GABRA4: variants seen among roughly 807,000 people sequenced by gnomAD.
GABRA4 encodes the protein gamma-aminobutyric acid receptor subunit alpha-4.
A neutral mutation model predicts 49.7 loss-of-function variants in GABRA4; 12 were observed. The observed-to-expected ratio is 0.24, with a 90% confidence interval of 0.15 to 0.39. The LOEUF (loss-of-function observed/expected upper bound fraction) is 0.39. Ranked by LOEUF, GABRA4 falls within the 10% of genes least tolerant of loss-of-function variation. The pLI, the probability that GABRA4 is intolerant of heterozygous loss-of-function variation, is 1.00. For missense variants in GABRA4, 506 were observed against 686.0 expected (o/e 0.74, Z 2.93); for synonymous variants, 288 against 240.2 (o/e 1.20, Z -1.84).
intron 8 of GABRA4, among the ~76,000 whole-genome samples, chr4:46,964,007 C>A (rs1722666050): frequency 6.6e-6 from 1 of 151,766 alleles, no homozygotes; most frequent in Admixed American, 6.6e-5. Context: ...TTGGAAGCAA[C>A]CTAAGTGTCT....
At chr4:46,985,958 T>C (rs1723519766) in intron 2 of GABRA4, among the ~76,000 whole-genome samples, 1 of 152,106 alleles carries the variant, frequency 6.6e-6, no homozygotes, top group Non-Finnish European at 1.5e-5. Flanking sequence ...GAAAAACATG[T>C]TATGGTCTAA....
At chr4:46,961,017 A>G (rs1056905930) in intron 8 of GABRA4, among the ~76,000 whole-genome samples, 3 of 151,856 alleles carry the variant, frequency 2.0e-5, no homozygotes, top group Non-Finnish European at 4.4e-5. Flanking sequence ...GAGGGTATAA[A>G]TTTACCTATG....
At chr4:46,977,295 A>C in intron 4 of GABRA4, 115 bp downstream of exon 4, 3 of 401,924 alleles carry the variant, frequency 7.5e-6, no homozygotes, top group Non-Finnish European at 9.0e-6. Flanking sequence ...GGAGGGAGGA[A>C]GGGAGGGAGG....
At chr4:46,952,887 T>A (rs1248313838) in intron 8 of GABRA4, among the ~76,000 whole-genome samples, 1 of 152,072 alleles carries the variant, frequency 6.6e-6, no homozygotes, top group South Asian at 2.1e-4. Flanking sequence ...AACCTTTTAA[T>A]AACAAAATTT....
chr4:46,928,227 A>C lies in GABRA4; in HGVS notation c.1663T>G (p.Ter555GluextTer22). ...AGCAAACTACTATAGCAACGAAATT[A>C]CATTAGACTTTCTGATTTCTCCATA... ...DTMEKSESLM* is the reference protein window; with the variant it reads ...DTMEKSESLME The change falls in exon 9 of 9, where the codon TAA (stop) becomes GAA (glutamate). Residue 555 changes from the stop codon to glutamate, a stop_lost. Transcript: ENST00000264318. The C allele has an allele frequency of 6.2e-7, 1 of 1,603,884 alleles. No homozygotes were observed. The highest frequency in any genetic ancestry group is 8.5e-7 in the Non-Finnish European group (1 of 1,174,594).
intron 2 of GABRA4, among the ~76,000 whole-genome samples, chr4:46,983,861 G>A (rs1384799950): frequency 2.6e-5 from 4 of 152,014 alleles, no homozygotes; most frequent in Non-Finnish European, 5.9e-5. Flanking sequence ...TTTGTTGGTA[G>A]TAGGAATATA....
chr4:46,971,775 G>T (rs1722955282), intron 6 of GABRA4, among the ~76,000 whole-genome samples: 1 of 150,788 alleles, frequency 6.6e-6, no homozygotes, highest in Non-Finnish European at 1.5e-5. Context: ...CTTAGAGAGA[G>T]GCTACCATAG....
chr4:46,991,773 T>C (rs1723754583), intron 2 of GABRA4, among the ~76,000 whole-genome samples: 1 of 152,018 alleles, frequency 6.6e-6, no homozygotes, highest in Non-Finnish European at 1.5e-5. Context: ...CAAAGCTTTG[T>C]TGTGAGGGTT....
At chr4:46,947,669 C>G (rs1384317281) in intron 8 of GABRA4, among the ~76,000 whole-genome samples, 1 of 151,884 alleles carries the variant, frequency 6.6e-6, no homozygotes, top group Non-Finnish European at 1.5e-5. Context: ...GTAAGATGAA[C>G]AAACAGAATA....
At position 46,930,635 on chromosome 4, in the gene GABRA4, AT is replaced by A. The variant is rs5858045; in HGVS notation, c.1135-1881del. On this transcript the variant is annotated intron_variant, in intron 8 of 8. Transcript: ENST00000264318. The stretch of plus-strand genomic sequence containing the variant: ...AATTGGACAAACAGGAAAGAAATAC[AT>A]TTTTTTTTCAAATATAATATGATAG... Among the ~76,000 whole-genome samples the A allele has an allele frequency of 2.1e-3, 321 of 150,886 alleles. 1 individual carries two copies. The highest frequency in any genetic ancestry group is 6.8e-3 in the African/African-American group (279 of 41,106).
intron 8 of GABRA4, among the ~76,000 whole-genome samples, chr4:46,939,377 C>CA (rs1456793925): frequency 1.3e-5 from 2 of 151,858 alleles, no homozygotes; most frequent in Non-Finnish European, 2.9e-5. Context: ...TAATATGGGC[C>CA]AGGCACTACC....
intron 8 of GABRA4, among the ~76,000 whole-genome samples, chr4:46,951,375 A>C (rs1353921826): frequency 1.3e-5 from 2 of 151,584 alleles, no homozygotes; most frequent in East Asian, 3.9e-4. Flanking sequence ...TGACTCAATC[A>C]ACAAATATTG....
At chr4:46,964,546 A>G (rs28575524) in intron 8 of GABRA4, among the ~76,000 whole-genome samples, 2,334 of 151,932 alleles carry the variant, frequency 0.015, 50 homozygotes, top group African/African-American at 0.052. Flanking sequence ...TGCATCTATT[A>G]TGTAGTCACA....
At chr4:46,958,034 T>C (rs375604335) in intron 8 of GABRA4, among the ~76,000 whole-genome samples, 1 of 152,096 alleles carries the variant, frequency 6.6e-6, no homozygotes, top group East Asian at 1.9e-4. Context: ...TATGTATATG[T>C]GTGCATTTAT....
At chr4:46,973,608 AAGGAAC>A (rs1394012290) in intron 6 of GABRA4, among the ~76,000 whole-genome samples, 1 of 151,796 alleles carries the variant, frequency 6.6e-6, no homozygotes, top group Non-Finnish European at 1.5e-5. Context: ...ATGTGTATGT[AAGGAAC>A]AGTCTTAGAA....
In GABRA4 at chr4:46,922,007, CA is replaced by C. The variant is rs1721051130; in HGVS notation, c.*6217del. 4 of 152,098 alleles carry C rather than the reference CA, an allele frequency of 2.6e-5. No individual in the cohort carries two copies. In the East Asian group the frequency reaches 7.7e-4, roughly 29 times the overall value. 9.4% of individuals were successfully genotyped at this position (152,098 alleles called of 1,614,324 possible). On this transcript the variant is annotated 3_prime_UTR_variant, in exon 9 of 9. Coordinates refer to ENST00000264318, the MANE Select transcript of GABRA4 (RefSeq NM_000809.4). ...AAACCTCTGTAAGATAGAGTGTAAACAGGCAAGAAAAAGACAAAATCTGTCT... is the reference window on the plus strand; with the variant it reads ...AAACCTCTGTAAGATAGAGTGTAAACGGCAAGAAAAAGACAAAATCTGTCT...
At chr4:46,963,100 C>A (rs1000649704) in intron 8 of GABRA4, among the ~76,000 whole-genome samples, 10 of 151,876 alleles carry the variant, frequency 6.6e-5, no homozygotes, top group African/African-American at 2.4e-4. Flanking sequence ...CAGAAGGGAT[C>A]ACATCAAGTT....
At chr4:46,930,973 C>T (rs1359840036) in intron 8 of GABRA4, among the ~76,000 whole-genome samples, 1 of 151,266 alleles carries the variant, frequency 6.6e-6, no homozygotes, top group Non-Finnish European at 1.5e-5. Context: ...AACTGGCAGG[C>T]TTCCTGAACT....
intron 2 of GABRA4, among the ~76,000 whole-genome samples, chr4:46,983,344 C>T (rs1409653886): frequency 1.3e-5 from 2 of 152,060 alleles, no homozygotes; most frequent in Non-Finnish European, 2.9e-5. Flanking sequence ...ATTCTTATTA[C>T]AGCATACTGC....
Sources: allele counts gnomAD v4.1 joint callset (sites outside exome capture counted in the v4.1 genomes callset), GRCh38; gene constraint gnomAD v4.1.1; transcripts MANE v1.5; gene names NCBI Gene and HGNC (gene_info 2026-07-23, HGNC 2026-07-21).